The following ADAMTS17 variants were observed in gnomAD, a reference collection of about 807,000 sequenced individuals.
ADAMTS17 encodes ADAM metallopeptidase with thrombospondin type 1 motif 17, also known as A disintegrin and metalloproteinase with thrombospondin motifs 17.
Under a neutral mutation model 141.5 loss-of-function variants are expected in ADAMTS17, and 113 were observed. The observed-to-expected ratio is 0.80, with a 90% CI of 0.69 to 0.93. The LOEUF (loss-of-function observed/expected upper bound fraction) is 0.93. Among genes scored for constraint, ADAMTS17 ranks in the 40% least tolerant of loss-of-function variants. The probability of loss-of-function intolerance (pLI) is 0.00; values close to 1 mark genes in which losing one functional copy is unlikely to be tolerated. For missense variants in ADAMTS17, 1,659 were observed against 1,517.9 expected (o/e 1.09, Z -1.54); for synonymous variants, 768 against 630.6 (o/e 1.22, Z -3.27).
In ADAMTS17 at chr15:99,976,208, G is replaced by A. The variant is rs1422813280; in HGVS notation, c.2964C>T (p.Cys988=). The change falls in exon 21 of 22, where the codon TGC becomes TGT. Residue 988 remains cysteine, a synonymous_variant. Transcript: ENST00000268070. ...CCACCCGGGACTGCAGGCCCTTCCC[G>A]CAGGTCGACGAGCACTGCAGAGACA... The part of the protein sequence containing the change: ...TGDWSTCSST[C]GKGLQSRVVQ... 4 of 1,546,672 alleles carry A rather than the reference G, an allele frequency of 2.6e-6. No homozygotes were observed. The highest frequency in any genetic ancestry group is 3.5e-6 in the Non-Finnish European group (4 of 1,146,968).
intron 15 of ADAMTS17, among the ~76,000 whole-genome samples, chr15:100,079,632 A>C (rs929130964): frequency 6.6e-6 from 1 of 152,214 alleles, no homozygotes; most frequent in Non-Finnish European, 1.5e-5. Flanking sequence ...ATCAGCCAGC[A>C]ACCTGGTGGC....
At chr15:100,153,701 G>T (rs536937465) in intron 9 of ADAMTS17, among the ~76,000 whole-genome samples, 1 of 152,108 alleles carries the variant, frequency 6.6e-6, no homozygotes. Context: ...TCTAAAGGAG[G>T]TTACTTACTA....
In ADAMTS17 at chr15:99,974,289, T is replaced by C. The variant is rs2581341; in HGVS notation, c.*113A>G. On this transcript the variant is annotated 3_prime_UTR_variant, in exon 22 of 22. Coordinates refer to ENST00000268070, the MANE Select transcript of ADAMTS17 (RefSeq NM_139057.4). ...GCCAAGTCCACGCTCATGTTCTATG[T>C]AGTTGGATTCTTGTGGCAGCCGGGT... 872,695 of 1,352,716 alleles carry C rather than the reference T, an allele frequency of 0.65. 283,865 individuals are homozygous for C. Among genetic ancestry groups the C allele is most frequent in the Non-Finnish European group, 0.66 (630,796 of 953,798 alleles). The allele number at this position is 1,352,716 out of a possible 1,614,324, so 83.8% of individuals were successfully genotyped here.
chr15:100,339,637 CCCCAGG>C (rs1347654860), intron 2 of ADAMTS17, among the ~76,000 whole-genome samples: 6 of 140,184 alleles, frequency 4.3e-5, no homozygotes, highest in Non-Finnish European at 9.2e-5. Flanking sequence ...ACATTCCCCG[CCCCAGG>C]TCCACATTCC....
At chr15:100,232,654 C>G (rs965836141) in intron 7 of ADAMTS17, among the ~76,000 whole-genome samples, 4 of 152,254 alleles carry the variant, frequency 2.6e-5, no homozygotes, top group African/African-American at 9.6e-5. Context: ...GTCACCAGAA[C>G]TGAAGTCTTC....
At chr15:100,106,002 ATTTT>A (rs34467733) in intron 14 of ADAMTS17, among the ~76,000 whole-genome samples, 1 of 148,832 alleles carries the variant, frequency 6.7e-6, no homozygotes, top group Non-Finnish European at 1.5e-5. Flanking sequence ...CAAGAAAATG[ATTTT>A]TTTTTTTCAA....
At chr15:100,142,928 A>G (rs1256511103) in intron 10 of ADAMTS17, among the ~76,000 whole-genome samples, 2 of 152,244 alleles carry the variant, frequency 1.3e-5, no homozygotes, top group Non-Finnish European at 2.9e-5. Context: ...GTCCTTGTGA[A>G]TGCTATGACA....
At position 100,108,837 on chromosome 15, in the gene ADAMTS17, A is replaced by T. The variant is rs2036566168; in HGVS notation, c.2016+152T>A. On this transcript the variant is annotated intron_variant, in intron 14 of 21. Coordinates refer to ENST00000268070, the MANE Select transcript of ADAMTS17 (RefSeq NM_139057.4). ...AGCTAGGGTTGGTGCACCAGGCAAC[A>T]CTGGCGGCAGGAGGCGGCATCACTG... The T allele has an allele frequency of 2.0e-5, 27 of 1,343,524 alleles. 1 individual carries two copies. The South Asian group carries it at 3.2e-4, about 16-fold the overall frequency. The allele number at this position is 1,343,524 out of a possible 1,614,324, so 83.2% of individuals were successfully genotyped here. A position where few individuals can be genotyped will look rare whatever the true frequency, so the allele number is the denominator to read the frequency against.
chr15:100,320,837 G>GA (rs1248114123), intron 3 of ADAMTS17, among the ~76,000 whole-genome samples: 10 of 151,392 alleles, frequency 6.6e-5, no homozygotes, highest in African/African-American at 2.4e-4. Context: ...TGTCTCAAAA[G>GA]AAGAAAAAAA....
rs1219519723 is a variant in ADAMTS17, at chr15:99,971,866, T to C, written c.*2536A>G. On this transcript the variant is annotated 3_prime_UTR_variant, in exon 22 of 22. Transcript: ENST00000268070. The stretch of plus-strand genomic sequence containing the variant: ...TATTAACACAGAAACATCACTGCTG[T>C]GATCAGCATCTAGTGGAACAAGAAT... The C allele has an allele frequency of 6.6e-6, 1 of 152,260 alleles. No homozygotes were observed. Among genetic ancestry groups the C allele is most frequent in the Non-Finnish European group, 1.5e-5 (1 of 68,076 alleles). 9.4% of individuals were successfully genotyped at this position (152,260 alleles called of 1,614,324 possible).
intron 10 of ADAMTS17, among the ~76,000 whole-genome samples, chr15:100,146,885 A>C (rs1162881330): frequency 6.6e-6 from 1 of 152,116 alleles, no homozygotes; most frequent in Non-Finnish European, 1.5e-5. Flanking sequence ...GGAAGAGGAA[A>C]TTCCCGCCTA....
chr15:100,152,528 C>T, intron 10 of ADAMTS17, 84 bp downstream of exon 10: 1 of 1,581,982 alleles, frequency 6.3e-7, no homozygotes, highest in Non-Finnish European at 8.6e-7. Flanking sequence ...TGTGAATGCC[C>T]ATGTCCTCCA....
intron 2 of ADAMTS17, among the ~76,000 whole-genome samples, chr15:100,333,345 C>CT: frequency 6.6e-6 from 1 of 152,332 alleles, no homozygotes; most frequent in Admixed American, 6.5e-5. Flanking sequence ...CTGCAGCCCC[C>CT]TGGCTCAGGG....
At chr15:100,034,619 C>T (rs56089256) in intron 18 of ADAMTS17, among the ~76,000 whole-genome samples, 8,982 of 152,212 alleles carry the variant, frequency 0.059, 841 homozygotes, top group African/African-American at 0.2. Flanking sequence ...TGACCTTGGC[C>T]GACAAGCAGT....
At chr15:100,162,711 T>C (rs921746465) in intron 8 of ADAMTS17, among the ~76,000 whole-genome samples, 4 of 135,146 alleles carry the variant, frequency 3.0e-5, no homozygotes, top group Admixed American at 1.5e-4. Flanking sequence ...TATATGCACA[T>C]ATACACATTA....
At chr15:100,148,578 C>A (rs1258597434) in intron 10 of ADAMTS17, among the ~76,000 whole-genome samples, 1 of 151,708 alleles carries the variant, frequency 6.6e-6, no homozygotes, top group Non-Finnish European at 1.5e-5. Context: ...TACACTGCTT[C>A]TAATGAGAGG....
intron 20 of ADAMTS17, among the ~76,000 whole-genome samples, chr15:99,987,652 A>G (rs992884077): frequency 1.3e-5 from 2 of 152,234 alleles, no homozygotes; most frequent in Admixed American, 1.3e-4. Context: ...ACGCTCGGGA[A>G]GCCTCATCCC....
At chr15:100,315,946 A>G (rs1420827631) in intron 3 of ADAMTS17, among the ~76,000 whole-genome samples, 1 of 152,250 alleles carries the variant, frequency 6.6e-6, no homozygotes, top group African/African-American at 2.4e-5. Flanking sequence ...TAAGAGGCTC[A>G]CTTTGGCCAA....
At chr15:100,288,983 G>A (rs1015467881) in intron 3 of ADAMTS17, among the ~76,000 whole-genome samples, 1 of 152,018 alleles carries the variant, frequency 6.6e-6, no homozygotes, top group Non-Finnish European at 1.5e-5. Flanking sequence ...GCTAGCAGAA[G>A]ACAAGAAATA....
Sources: allele counts gnomAD v4.1 joint callset (sites outside exome capture counted in the v4.1 genomes callset), GRCh38; gene constraint gnomAD v4.1.1; transcripts MANE v1.5; gene names NCBI Gene and HGNC (gene_info 2026-07-23, HGNC 2026-07-21).